Variants in ANXA11 observed in about 807,000 individuals in gnomAD.
ANXA11 encodes the protein 56 kDa autoantigen.
ANXA11 carries 57 observed loss-of-function variants against 64.7 expected under a neutral mutation model. The ratio of observed to expected loss-of-function variants is 0.88; its 90% CI spans 0.71 to 1.10. The LOEUF (loss-of-function observed/expected upper bound fraction) is 1.10. Among genes scored for constraint, ANXA11 ranks in the 50% least tolerant of loss-of-function variants. The pLI, the probability that ANXA11 is intolerant of heterozygous loss-of-function variation, is 0.00. For missense variants in ANXA11, 675 were observed against 670.7 expected (o/e 1.01, Z -0.07); for synonymous variants, 260 against 265.2 (o/e 0.98, Z 0.19).
intron 5 of ANXA11, among the ~76,000 whole-genome samples, chr10:80,167,855 C>T (rs142471382): frequency 2.2e-4 from 33 of 152,332 alleles, no homozygotes; most frequent in African/African-American, 7.7e-4. Flanking sequence ...TTCCTCCAGA[C>T]CCTGATAGCT....
At chr10:80,195,114 T>C (rs890150407) in intron 1 of ANXA11, among the ~76,000 whole-genome samples, 2 of 152,200 alleles carry the variant, frequency 1.3e-5, no homozygotes, top group Non-Finnish European at 2.9e-5. Context: ...GGAAAGGCCC[T>C]GATGCCCATC....
chr10:80,159,148 T>A lies in ANXA11; in HGVS notation c.1228A>T (p.Ile410Phe), dbSNP rs753071285. 6.2e-7 allele frequency: 1 copy of A among 1,614,168 alleles called. No individual in the cohort carries two copies. The highest frequency in any genetic ancestry group is 1.1e-5 in the South Asian group (1 of 91,082). Residue 410 changes from isoleucine (I) to phenylalanine (F), a missense_variant, in exon 13 of 16, where the codon ATC becomes TTC. Physicochemically the swap from Ile to Phe is conservative, Grantham distance 21 (BLOSUM62 0). Transcript: ENST00000422982. The stretch of plus-strand genomic sequence containing the variant: ...AGGTCCCCGGACATCTCCCGGCAGA[T>A]GCTCTTCTCAATGTCCCGGCCTGTC... ...RMTGRDIEKS[I>F]CREMSGDLEE...
At chr10:80,200,503 G>A (rs894165666) in intron 1 of ANXA11, among the ~76,000 whole-genome samples, 6 of 152,100 alleles carry the variant, frequency 3.9e-5, no homozygotes, top group South Asian at 2.1e-4. Context: ...CATGAAACAC[G>A]AAAGCCAAAC....
At chr10:80,171,919 A>G in intron 3 of ANXA11, 9 of 985,508 alleles carry the variant, frequency 9.1e-6, no homozygotes, top group Non-Finnish European at 1.1e-5. Flanking sequence ...GGCCCAGCTC[A>G]GCCCCTAACA....
At position 80,186,321 on chromosome 10, in the gene ANXA11, G is replaced by A. The variant is rs141869117; in HGVS notation, c.-57-10166C>T. Among the ~76,000 whole-genome samples, 29 of 152,202 alleles carry A rather than the reference G, an allele frequency of 1.9e-4. 1 individual carries two copies. In the South Asian group the frequency reaches 4.0e-3, roughly 21 times the overall value. ...AAGGAGGGGGGTAGGAGAGAAACACGGAACTGGGGAGGGTCAGGGCAGTGT... is the reference window on the plus strand; with the variant it reads ...AAGGAGGGGGGTAGGAGAGAAACACAGAACTGGGGAGGGTCAGGGCAGTGT... On this transcript the variant is annotated intron_variant, in intron 1 of 15. Transcript: ENST00000422982.
chr10:80,193,178 G>C (rs985368879), intron 1 of ANXA11, among the ~76,000 whole-genome samples: 5 of 152,102 alleles, frequency 3.3e-5, no homozygotes, highest in Admixed American at 6.5e-5. Context: ...GTGTGACCAC[G>C]GCACATTACT....
At chr10:80,197,226 C>T (rs909933517) in intron 1 of ANXA11, among the ~76,000 whole-genome samples, 11 of 152,122 alleles carry the variant, frequency 7.2e-5, no homozygotes, top group African/African-American at 2.7e-4. Context: ...CAGGCTGGTC[C>T]CCAACCACTC....
chr10:80,192,654 G>A (rs957406472), intron 1 of ANXA11, among the ~76,000 whole-genome samples: 2 of 152,174 alleles, frequency 1.3e-5, no homozygotes, highest in Non-Finnish European at 2.9e-5. Context: ...GAAAGAACAA[G>A]GGTCCTTTTC....
chr10:80,178,428 C>A (rs1198805877), intron 1 of ANXA11, among the ~76,000 whole-genome samples: 11 of 152,228 alleles, frequency 7.2e-5, no homozygotes, highest in Non-Finnish European at 2.9e-5. Context: ...ACACAGCAGG[C>A]AGCTGGCCTC....
Position 80,163,514 on chromosome 10 carries a change from C to T in ANXA11, c.1029+20G>A, listed in dbSNP as rs2132386006. ...ACTTCCATGGCTTGGGGGCCCCGAG[C>T]CCTGTCGTGGGAAAAGTACCTGAGA... On this transcript the variant is annotated intron_variant, in intron 10 of 15. Coordinates refer to ENST00000422982, the MANE Select transcript of ANXA11 (RefSeq NM_145868.2). 6.3e-7 allele frequency: 1 copy of T among 1,592,620 alleles called. No individual in the cohort carries two copies. Among genetic ancestry groups the T allele is most frequent in the Non-Finnish European group, 8.6e-7 (1 of 1,168,878 alleles).
At chr10:80,170,952 T>G (rs1238940830) in intron 3 of ANXA11, 37 bp from the exon 4 acceptor site, 1 of 1,559,728 alleles carries the variant, frequency 6.4e-7, no homozygotes, top group Non-Finnish European at 8.7e-7. Context: ...CCCCTGCCAG[T>G]CCCCCACCAC....
Position 80,166,870 on chromosome 10 carries a change from G to C in ANXA11, c.744+20C>G. ...CCCAGGACACGCCTCACTGTCCCGC[G>C]CCCCCACCCCGCAGCTCGCCTTGCC... is the stretch of plus-strand genomic sequence containing the variant. On this transcript the variant is annotated intron_variant, in intron 7 of 15. Coordinates refer to ENST00000422982, the MANE Select transcript of ANXA11 (RefSeq NM_145868.2). The C allele has an allele frequency of 6.3e-7, 1 of 1,581,120 alleles. No homozygotes were observed.
Position 80,169,311 on chromosome 10 carries a change from C to G in ANXA11, c.219G>C (p.Leu73=). ...AGCCAGCCCCAGGGGCCCCAGGGTA[C>G]AGGTTGGGCATGTTGGCTCCTCCAA... is the stretch of plus-strand genomic sequence containing the variant. ...GTFGGANMPN[L]YPGAPGAGYP... Residue 73 remains leucine (L), a synonymous_variant, in exon 5 of 16, where the codon CTG becomes CTC. Transcript: ENST00000422982. 1.2e-6 allele frequency: 2 copies of G among 1,610,818 alleles called. No individual in the cohort carries two copies. The highest frequency in any genetic ancestry group is 1.3e-5 in the African/African-American group (1 of 75,010).
intron 12 of ANXA11, among the ~76,000 whole-genome samples, chr10:80,161,386 C>T (rs1248284939): frequency 6.6e-6 from 1 of 152,230 alleles, no homozygotes; most frequent in African/African-American, 2.4e-5. Flanking sequence ...CTACCTGTTT[C>T]CAGCTTGATT....
chr10:80,169,328 C>T lies in ANXA11; in HGVS notation c.202G>A (p.Ala68Thr). 2 of 1,609,152 alleles carry T rather than the reference C, an allele frequency of 1.2e-6. No homozygotes were observed. The highest frequency in any genetic ancestry group is 2.7e-5 in the African/African-American group (2 of 75,016). Reference protein sequence around the residue: ...AANMSGTFGGANMPNLYPGAP... With the variant: ...AANMSGTFGGTNMPNLYPGAP... ...CCAGGGTACAGGTTGGGCATGTTGG[C>T]TCCTCCAAATGTCCCAGACATGTTG... Residue 68 changes from alanine (A) to threonine (T), a missense_variant, in exon 5 of 16, where the codon GCC becomes ACC. By Grantham distance (58) the Ala-to-Thr change is moderately conservative. Transcript: ENST00000422982.
rs373877310 is a variant in ANXA11 at position 80,166,992 on chromosome 10, A to C, written c.650-8T>G. 1.9e-6 allele frequency: 3 copies of C among 1,587,048 alleles called. No individual in the cohort carries two copies. In the African/African-American group the frequency reaches 4.0e-5, roughly 21 times the overall value. ...TGGCCTGCTCATCCGTCCCTGGAGG[A>C]AGAGGCAGCAGGGGTGGGTCGGGTA... On this transcript the variant is annotated splice_polypyrimidine_tract_variant and splice_region_variant and intron_variant, in intron 6 of 15. Coordinates refer to ENST00000422982, the MANE Select transcript of ANXA11 (RefSeq NM_145868.2).
intron 1 of ANXA11, among the ~76,000 whole-genome samples, chr10:80,192,504 AAT>A (rs1846819138): frequency 6.6e-6 from 1 of 152,274 alleles, no homozygotes; most frequent in Non-Finnish European, 1.5e-5. Flanking sequence ...AATGATGAGA[AAT>A]AGAGGACAAA....
chr10:80,193,737 G>A (rs1431423175), intron 1 of ANXA11, among the ~76,000 whole-genome samples: 2 of 149,292 alleles, frequency 1.3e-5, no homozygotes, highest in South Asian at 2.2e-4. Context: ...CCACCTACTC[G>A]GGAGGCTGGG....
chr10:80,172,935 G>A (rs919682440), intron 2 of ANXA11, 66 bp from the exon 3 acceptor site: 14 of 1,479,978 alleles, frequency 9.5e-6, no homozygotes, highest in Middle Eastern at 3.5e-4. Flanking sequence ...GTGGGACCCA[G>A]CTTCTTGAAA....
Sources: gnomAD v4.1 joint callset for allele counts (sites outside exome capture counted in the v4.1 genomes callset) on GRCh38, gnomAD v4.1.1 for gene constraint, MANE v1.5 for transcripts, NCBI Gene and HGNC (gene_info 2026-07-23, HGNC 2026-07-21) for gene names.